The following MCTP1 variants were observed in gnomAD, a reference collection of about 807,000 sequenced individuals.
MCTP1 encodes multiple C2 and transmembrane domain containing 1.
Under a neutral mutation model 120.6 loss-of-function variants are expected in MCTP1, and 69 were observed. The ratio of observed to expected loss-of-function variants is 0.57; its 90% CI spans 0.47 to 0.70. MCTP1 has a LOEUF of 0.70. MCTP1 is among the 30% of genes least tolerant of loss of function. The probability of loss-of-function intolerance (pLI) is 0.00; values close to 1 mark genes in which losing one functional copy is unlikely to be tolerated. For missense variants in MCTP1, 1,203 were observed against 1,248.8 expected (o/e 0.96, Z 0.55); for synonymous variants, 529 against 493.1 (o/e 1.07, Z -0.96).
At chr5:94,974,388 A>T (rs1373097247) in intron 2 of MCTP1, among the ~76,000 whole-genome samples, 2 of 151,928 alleles carry the variant, frequency 1.3e-5, no homozygotes, top group Non-Finnish European at 2.9e-5. Context: ...TATCTACAAA[A>T]TTTTTTTAAA....
chr5:94,907,512 G>T (rs1489881853), intron 10 of MCTP1, among the ~76,000 whole-genome samples: 1 of 152,080 alleles, frequency 6.6e-6, no homozygotes, highest in Non-Finnish European at 1.5e-5. Flanking sequence ...AGCTTCCACA[G>T]ATACCTGGAA....
chr5:95,155,287 G>A (rs1744990327), intron 1 of MCTP1, among the ~76,000 whole-genome samples: 1 of 152,110 alleles, frequency 6.6e-6, no homozygotes, highest in Non-Finnish European at 1.5e-5. Context: ...TATAAGGAAG[G>A]AGAGGCAGGA....
At chr5:95,210,096 T>C in intron 1 of MCTP1, among the ~76,000 whole-genome samples, 1 of 152,154 alleles carries the variant, frequency 6.6e-6, no homozygotes, top group Non-Finnish European at 1.5e-5. Context: ...TACTTCCAAG[T>C]ATGTGGTCAA....
intron 1 of MCTP1, among the ~76,000 whole-genome samples, chr5:95,071,537 C>G (rs895625568): frequency 3.3e-5 from 5 of 151,946 alleles, no homozygotes; most frequent in African/African-American, 1.2e-4. Flanking sequence ...TACTGATGTC[C>G]CTCAGTATAG....
chr5:95,282,480 C>A (rs867750187), intron 1 of MCTP1, among the ~76,000 whole-genome samples: 1 of 152,102 alleles, frequency 6.6e-6, no homozygotes, highest in Non-Finnish European at 1.5e-5. Flanking sequence ...TGTACACGCT[C>A]AAAAATAAAT....
At chr5:94,939,500 A>C (rs558073678) in intron 5 of MCTP1, among the ~76,000 whole-genome samples, 1 of 152,054 alleles carries the variant, frequency 6.6e-6, no homozygotes, top group Admixed American at 6.6e-5. Context: ...ACTGTGGGGG[A>C]GTAATTAGGT....
In MCTP1 at chr5:94,868,329, A is replaced by C; in HGVS notation, c.2436+4T>G. On this transcript the variant is annotated splice_donor_region_variant and intron_variant, in intron 17 of 22. Coordinates refer to ENST00000515393, the MANE Select transcript of MCTP1 (RefSeq NM_024717.7). ...ACAATGTAAGTAATACAGTATGATC[A>C]TACCACAAAAGCAGCGAGACTCCTT... The C allele has an allele frequency of 6.3e-7, 1 of 1,595,342 alleles. No individual in the cohort carries two copies. Among genetic ancestry groups the C allele is most frequent in the Non-Finnish European group, 8.5e-7 (1 of 1,172,678 alleles).
chr5:95,102,840 G>A (rs1166303883), intron 1 of MCTP1, among the ~76,000 whole-genome samples: 2 of 152,210 alleles, frequency 1.3e-5, no homozygotes, highest in Non-Finnish European at 2.9e-5. Context: ...CAATGTGTAG[G>A]TAAGTGTGCA....
chr5:95,057,081 T>C (rs1747586736), intron 1 of MCTP1, among the ~76,000 whole-genome samples: 4 of 152,198 alleles, frequency 2.6e-5, no homozygotes, highest in Admixed American at 2.6e-4. Context: ...TCTTTAATTT[T>C]ATCTATATTC....
chr5:95,190,030 T>C (rs1003323748), intron 1 of MCTP1, among the ~76,000 whole-genome samples: 3 of 152,144 alleles, frequency 2.0e-5, no homozygotes, highest in Non-Finnish European at 4.4e-5. Context: ...GATTGAAGCA[T>C]GTTCCAGGGA....
intron 2 of MCTP1, among the ~76,000 whole-genome samples, chr5:95,001,297 C>T (rs544308317): frequency 2.8e-4 from 43 of 152,230 alleles, no homozygotes; most frequent in Middle Eastern, 6.8e-3. Context: ...AGGAGTGGGG[C>T]GCTGCTGTAA....
intron 17 of MCTP1, among the ~76,000 whole-genome samples, chr5:94,865,094 C>T (rs1367139884): frequency 1.3e-5 from 2 of 151,714 alleles, no homozygotes; most frequent in African/African-American, 4.8e-5. Context: ...AAGCACACGC[C>T]CAGAAACGTA....
Position 94,737,763 on chromosome 5 carries a change from C to T in MCTP1, c.2611-22877G>A, listed in dbSNP as rs755057081. Among the ~76,000 whole-genome samples, 23 of 152,186 alleles carry T rather than the reference C, an allele frequency of 1.5e-4. 1 individual carries two copies. The highest frequency in any genetic ancestry group is 2.9e-4 in the Non-Finnish European group (20 of 68,034). ...CGATCTTGGCTCACTGCAACCTTTGCCTCTGGGGCTCAAGTGATTCTCCTG... is the reference window on the plus strand; with the variant it reads ...CGATCTTGGCTCACTGCAACCTTTGTCTCTGGGGCTCAAGTGATTCTCCTG... On this transcript the variant is annotated intron_variant, in intron 19 of 22. Coordinates refer to ENST00000515393, the MANE Select transcript of MCTP1 (RefSeq NM_024717.7).
At chr5:95,206,423 T>A (rs1053818324) in intron 1 of MCTP1, among the ~76,000 whole-genome samples, 1 of 152,158 alleles carries the variant, frequency 6.6e-6, no homozygotes, top group African/African-American at 2.4e-5. Flanking sequence ...GTGAATTGTA[T>A]AGTATGTGAA....
intron 1 of MCTP1, among the ~76,000 whole-genome samples, chr5:95,213,350 A>G (rs1177198647): frequency 1.3e-5 from 2 of 152,232 alleles, no homozygotes; most frequent in Non-Finnish European, 2.9e-5. Context: ...ACCACTGCTC[A>G]ATGAAATAGA....
intron 2 of MCTP1, among the ~76,000 whole-genome samples, chr5:95,013,526 AT>A (rs1836458434): frequency 4.6e-5 from 7 of 152,242 alleles, no homozygotes; most frequent in African/African-American, 1.2e-4. Flanking sequence ...GCCAATGCTC[AT>A]TTACCATTTT....
chr5:95,127,658 A>G (rs1372725043), intron 1 of MCTP1, among the ~76,000 whole-genome samples: 1 of 152,170 alleles, frequency 6.6e-6, no homozygotes, highest in Admixed American at 6.5e-5. Flanking sequence ...CAGGAAAAAG[A>G]ACCGGGGAAG....
At chr5:94,875,536 G>A (rs572594712) in intron 12 of MCTP1, among the ~76,000 whole-genome samples, 84 of 152,118 alleles carry the variant, frequency 5.5e-4, no homozygotes, top group African/African-American at 1.9e-3. Flanking sequence ...GCTGCTATTT[G>A]GAAAATAAGG....
At chr5:95,019,110 A>T (rs183389487) in intron 1 of MCTP1, among the ~76,000 whole-genome samples, 2 of 152,218 alleles carry the variant, frequency 1.3e-5, no homozygotes, top group African/African-American at 4.8e-5. Context: ...CAATACATAC[A>T]GATCTTTCTC....
Sources: allele counts gnomAD v4.1 joint callset (sites outside exome capture counted in the v4.1 genomes callset), GRCh38; gene constraint gnomAD v4.1.1; transcripts MANE v1.5; gene names NCBI Gene and HGNC (gene_info 2026-07-23, HGNC 2026-07-21).